MDN1: variants seen among roughly 807,000 people sequenced by gnomAD.
MDN1 encodes the protein midasin.
A neutral mutation model predicts 669.2 loss-of-function variants in MDN1; 266 were observed. The ratio of observed to expected loss-of-function variants is 0.40; its 90% confidence interval spans 0.36 to 0.44. The LOEUF is 0.44. Among genes scored for constraint, MDN1 ranks in the 20% least tolerant of loss-of-function variants. The pLI is 1.00. For missense variants in MDN1, 5,940 were observed against 6,754.0 expected, an observed-to-expected ratio of 0.88 and a Z score of 4.22; for synonymous variants, 2,385 against 2,457.1, an observed-to-expected ratio of 0.97 and a Z score of 0.87.
intron 39 of MDN1, 22 bp from the exon 40 acceptor site, chr6:89,723,165 T>C (rs1203225958): frequency 6.2e-7 from 1 of 1,608,236 alleles, no homozygotes; most frequent in Non-Finnish European, 8.5e-7. Flanking sequence ...ACATCCTGAT[T>C]GGGAAACATG....
At position 89,648,105 on chromosome 6, in the gene MDN1, T is replaced by G; in HGVS notation, c.16322A>C (p.Gln5441Pro). The change falls in exon 99 of 102, where the codon CAG (glutamine) becomes CCG (proline). Residue 5441 changes from glutamine to proline, a missense_variant. This residue lies in a region of MDN1 where 2,280 missense variants were observed against 2,576.3 expected (regional missense o/e 0.88). Transcript: ENST00000369393. Reference sequence around the variant, plus strand: ...CTGGGACCCAGAGTAATCACTGAACTGCTCATGAAATGGGTGTAACAGCTT... The same window carrying G: ...CTGGGACCCAGAGTAATCACTGAACGGCTCATGAAATGGGTGTAACAGCTT... ...SVKLLHPFHE[Q>P]FSDYSGSQIL... The G allele has an allele frequency of 6.2e-7, 1 of 1,614,176 alleles. No individual in the cohort carries two copies. The highest frequency in any genetic ancestry group is 8.5e-7 in the Non-Finnish European group (1 of 1,180,004).
In MDN1 at chr6:89,750,497, A is replaced by G. The variant is rs1251315050; in HGVS notation, c.3263T>C (p.Val1088Ala). 3 of 1,613,588 alleles carry G rather than the reference A, an allele frequency of 1.9e-6. No homozygotes were observed. Among genetic ancestry groups the G allele is most frequent in the Admixed American group, 1.7e-5 (1 of 59,986 alleles). The change falls in exon 24 of 102, where the codon GTT becomes GCT. Residue 1088 changes from valine to alanine, a missense_variant. Physicochemically the swap from Val to Ala is moderately conservative, Grantham distance 64 (BLOSUM62 0). This residue lies in a region of MDN1 where 15 missense variants were observed against 36.2 expected (regional missense o/e 0.41). Coordinates refer to ENST00000369393, the MANE Select transcript of MDN1 (RefSeq NM_014611.3). Reference protein sequence around the residue: ...YPVLIQGETSVGKTSLIQWLA... With the variant: ...YPVLIQGETSAGKTSLIQWLA... The stretch of plus-strand genomic sequence containing the variant: ...CCACTGGATCAGGCTTGTTTTACCA[A>G]CTGATGTCTCTCCCTGAATCAGCAC...
Position 89,745,357 on chromosome 6 carries a change from C to T in MDN1, c.4094G>A (p.Trp1365Ter), listed in dbSNP as rs1483477850. ...TLECNFGHIV[W>*]TEGMRRLAML... ...CGCGAGTCTCCGCATGCCCTCAGTCCACACGATATGGCCAAAGTTACACTC... is the reference window on the plus strand; with the variant it reads ...CGCGAGTCTCCGCATGCCCTCAGTCTACACGATATGGCCAAAGTTACACTC... The change falls in exon 29 of 102, where the codon TGG (tryptophan) becomes TAG (stop). Residue 1365 changes from tryptophan (W) to a stop codon, truncating the protein, a stop_gained. Coordinates refer to ENST00000369393, the MANE Select transcript of MDN1 (RefSeq NM_014611.3). LOFTEE classifies it high-confidence loss of function. The T allele has an allele frequency of 1.2e-6, 2 of 1,614,022 alleles. No homozygotes were observed. The highest frequency in any genetic ancestry group is 4.5e-5 in the East Asian group (2 of 44,850).
Position 89,761,694 on chromosome 6 carries a change from T to C in MDN1, c.2411A>G (p.Gln804Arg). ...EAFGLRLNHA[Q>R]QQMKMTENTL... is the part of the protein sequence containing the mutation. ...ATTTTCAGTCATTTTCATCTGTTGT[T>C]GGGCATGGTTGAGTCTAAGACCAAA... The change falls in exon 17 of 102, where the codon CAA becomes CGA. Residue 804 changes from glutamine (Q) to arginine (R), a missense_variant. Physicochemically the swap from Gln to Arg is conservative, Grantham distance 43 (BLOSUM62 1). Transcript: ENST00000369393. 1 of 1,613,038 alleles carries C rather than the reference T, an allele frequency of 6.2e-7. No homozygotes were observed. Among genetic ancestry groups the C allele is most frequent in the Non-Finnish European group, 8.5e-7 (1 of 1,179,488 alleles).
chr6:89,729,469 A>G (rs1815433046), intron 35 of MDN1, among the ~76,000 whole-genome samples: 1 of 152,180 alleles, frequency 6.6e-6, no homozygotes, highest in Non-Finnish European at 1.5e-5. Flanking sequence ...ATTTACCTTC[A>G]TAGTTACTTT....
At chr6:89,678,801 G>C (rs981800370) in intron 74 of MDN1, 56 bp from the exon 75 acceptor site, 1 of 1,558,022 alleles carries the variant, frequency 6.4e-7, no homozygotes, top group East Asian at 2.3e-5. Flanking sequence ...CAGGGGTCTG[G>C]TAATGTGTTT....
intron 53 of MDN1, among the ~76,000 whole-genome samples, 154 bp downstream of exon 53, chr6:89,705,905 T>C (rs571300664): frequency 6.6e-6 from 1 of 152,344 alleles, no homozygotes; most frequent in Non-Finnish European, 1.5e-5. Flanking sequence ...AGATTTTAAA[T>C]ATGTGTATAG....
In MDN1 at chr6:89,756,291, C is replaced by G; in HGVS notation, c.2802G>C (p.Val934=). Reference sequence around the variant, plus strand: ...AGGGAACCTACTTTATGATTCCTTGCACTGTATTCTTGTTCACACTCAATC... The same window carrying G: ...AGGGAACCTACTTTATGATTCCTTGGACTGTATTCTTGTTCACACTCAATC... ...LKGLSVNKNT[V]QGIINFYTAL... The change falls in exon 20 of 102, where the codon GTG becomes GTC. Residue 934 remains valine, a synonymous_variant. Coordinates refer to ENST00000369393, the MANE Select transcript of MDN1 (RefSeq NM_014611.3). 1.3e-6 allele frequency: 2 copies of G among 1,562,088 alleles called. No homozygotes were observed. Among genetic ancestry groups the G allele is most frequent in the Non-Finnish European group, 1.7e-6 (2 of 1,148,662 alleles).
intron 100 of MDN1, among the ~76,000 whole-genome samples, chr6:89,645,531 G>C (rs1460244338): frequency 6.6e-6 from 1 of 152,204 alleles, no homozygotes; most frequent in Non-Finnish European, 1.5e-5. Context: ...GTACTGAGAA[G>C]GGCATTAGAA....
rs1245849111 is a variant in MDN1, at chr6:89,723,701, C to A, written c.5671-82G>T. 3 of 705,036 alleles carry A rather than the reference C, an allele frequency of 4.3e-6. No individual in the cohort carries two copies. In the East Asian group the frequency reaches 9.2e-5, roughly 22 times the overall value. 43.7% of individuals were successfully genotyped at this position (705,036 alleles called of 1,614,324 possible). On this transcript the variant is annotated intron_variant, in intron 38 of 101. Transcript: ENST00000369393. Reference sequence around the variant, plus strand: ...GAAATGACTACCATGTCTTATTATGCAAAATCTTTAATACCAAGTAACAAT... The same window carrying A: ...GAAATGACTACCATGTCTTATTATGAAAAATCTTTAATACCAAGTAACAAT...
intron 14 of MDN1, 66 bp from the exon 15 acceptor site, chr6:89,771,687 C>T: frequency 1.5e-6 from 2 of 1,363,178 alleles, no homozygotes; most frequent in African/African-American, 1.4e-5. Flanking sequence ...CCAGTGTGCT[C>T]CTTAAGGCTG....
At position 89,678,708 on chromosome 6, in the gene MDN1, T is replaced by C; in HGVS notation, c.12303A>G (p.Leu4101=). Residue 4101 remains leucine, a synonymous_variant, in exon 75 of 102, where the codon TTA becomes TTG. Transcript: ENST00000369393. The part of the protein sequence containing the change: ...VISSVSELQS[L]KVEPSAEKEK... ...CCTTCTCTGCAGAGGGTTCCACCTTTAAGCTCTGCAGCTCACTCACAGAGG... is the reference window on the plus strand; with the variant it reads ...CCTTCTCTGCAGAGGGTTCCACCTTCAAGCTCTGCAGCTCACTCACAGAGG... The C allele has an allele frequency of 6.2e-7, 1 of 1,613,960 alleles. No homozygotes were observed. Among genetic ancestry groups the C allele is most frequent in the Non-Finnish European group, 8.5e-7 (1 of 1,179,896 alleles).
At chr6:89,751,397 C>A in intron 23 of MDN1, 34 bp downstream of exon 23, 7 of 1,613,246 alleles carry the variant, frequency 4.3e-6, no homozygotes, top group Non-Finnish European at 5.9e-6. Context: ...ATGCCTGTAT[C>A]AAGTTCGGGG....
At chr6:89,778,576 A>C (rs1448612340) in intron 11 of MDN1, among the ~76,000 whole-genome samples, 1 of 152,084 alleles carries the variant, frequency 6.6e-6, no homozygotes, top group Non-Finnish European at 1.5e-5. Flanking sequence ...AAGATGCTCA[A>C]GTCCCTTATA....
intron 19 of MDN1, among the ~76,000 whole-genome samples, 157 bp downstream of exon 19, chr6:89,758,098 C>G (rs1007920466): frequency 6.6e-6 from 1 of 151,832 alleles, no homozygotes; most frequent in Non-Finnish European, 1.5e-5. Flanking sequence ...CCCATAATCC[C>G]GGCTATTCAG....
intron 43 of MDN1, among the ~76,000 whole-genome samples, chr6:89,717,529 T>C (rs992150210): frequency 6.6e-6 from 1 of 152,224 alleles, no homozygotes; most frequent in African/African-American, 2.4e-5. Context: ...ATATATTCAG[T>C]ATAGTGTTTA....
Position 89,708,558 on chromosome 6 carries a change from G to T in MDN1, c.7836C>A (p.Asp2612Glu). ...QALDMIRNLM[D>E]FDPQTDQPDQ... The stretch of plus-strand genomic sequence containing the variant: ...CAGGCTGGTCCGTTTGTGGGTCAAA[G>T]TCCATCAAATTTCTAATCATGTCCA... Residue 2612 changes from aspartate (D) to glutamate (E), a missense_variant, in exon 51 of 102, where the codon GAC becomes GAA. Asp to Glu is a conservative substitution (Grantham distance 45). This residue lies in a region of MDN1 where 2,292 missense variants were observed against 2,638.3 expected (regional missense o/e 0.87). Coordinates refer to ENST00000369393, the MANE Select transcript of MDN1 (RefSeq NM_014611.3). The T allele has an allele frequency of 6.2e-7, 1 of 1,614,024 alleles. No homozygotes were observed. The highest frequency in any genetic ancestry group is 8.5e-7 in the Non-Finnish European group (1 of 1,179,932).
chr6:89,688,437 T>G lies in MDN1; in HGVS notation c.11259+136A>C, dbSNP rs958897728. ...CATCCTGCAGTTAGTAAGTAACATC[T>G]CATTGAACTGCAGTTCTTTAAGCCT... On this transcript the variant is annotated intron_variant, in intron 66 of 101. Transcript: ENST00000369393. 7.1e-5 allele frequency: 54 copies of G among 757,034 alleles called. No individual in the cohort carries two copies. The African/African-American group carries it at 8.8e-4, about 12-fold the overall frequency. 46.9% of individuals were successfully genotyped at this position (757,034 alleles called of 1,614,324 possible).
intron 40 of MDN1, among the ~76,000 whole-genome samples, chr6:89,722,224 A>C (rs1814877320): frequency 6.6e-6 from 1 of 152,242 alleles, no homozygotes; most frequent in Non-Finnish European, 1.5e-5. Flanking sequence ...ACTTAAACAC[A>C]GAATATTCTC....
Sources: gnomAD v4.1 joint callset for allele counts (sites outside exome capture counted in the v4.1 genomes callset) on GRCh38, gnomAD v4.1.1 for gene constraint, gnomAD v4.1.1 regional missense constraint, MANE v1.5 for transcripts, NCBI Gene and HGNC (gene_info 2026-07-23, HGNC 2026-07-21) for gene names.